TTLL5: variants seen among roughly 807,000 people sequenced by gnomAD.
TTLL5 encodes tubulin tyrosine ligase like 5.
Under a neutral mutation model 168.4 loss-of-function variants are expected in TTLL5, and 132 were observed. The observed-to-expected ratio is 0.78, with a 90% CI of 0.68 to 0.91. TTLL5 has a LOEUF of 0.91. Ranked by LOEUF, TTLL5 falls within the 40% of genes least tolerant of loss-of-function variation. The pLI, the probability that TTLL5 is intolerant of heterozygous loss-of-function variation, is 0.00. For synonymous variants in TTLL5, 546 were observed against 558.6 expected, an observed-to-expected ratio of 0.98 and a Z score of 0.32; for missense variants, 1,545 against 1,581.5, an observed-to-expected ratio of 0.98 and a Z score of 0.39.
intron 27 of TTLL5, among the ~76,000 whole-genome samples, chr14:75,805,002 G>A (rs1300995106): frequency 6.6e-6 from 1 of 151,986 alleles, no homozygotes; most frequent in Admixed American, 6.6e-5. Context: ...CATCTTACTT[G>A]TACTGCCAAA....
chr14:75,879,734 A>G (rs1161145748), intron 29 of TTLL5, among the ~76,000 whole-genome samples: 4 of 152,196 alleles, frequency 2.6e-5, no homozygotes, highest in Non-Finnish European at 5.9e-5. Context: ...ACCGCAAGCC[A>G]TGTCTTTTCC....
At chr14:75,851,548 G>A (rs1490652143) in intron 28 of TTLL5, among the ~76,000 whole-genome samples, 2 of 152,114 alleles carry the variant, frequency 1.3e-5, no homozygotes, top group Admixed American at 1.3e-4. Flanking sequence ...AGCATTATTA[G>A]TAAACCCCCA....
intron 28 of TTLL5, among the ~76,000 whole-genome samples, chr14:75,848,737 T>C (rs1896687175): frequency 6.6e-6 from 1 of 152,228 alleles, no homozygotes; most frequent in Non-Finnish European, 1.5e-5. Flanking sequence ...TCCAGACTCC[T>C]AATAGATAAA....
Position 75,771,869 on chromosome 14 carries a change from A to G in TTLL5, c.2136+15A>G, listed in dbSNP as rs1260880349. The G allele has an allele frequency of 5.0e-6, 8 of 1,594,500 alleles. No individual in the cohort carries two copies. The highest frequency in any genetic ancestry group is 6.8e-6 in the Non-Finnish European group (8 of 1,173,746). On this transcript the variant is annotated intron_variant, in intron 21 of 31. Coordinates refer to ENST00000298832, the MANE Select transcript of TTLL5 (RefSeq NM_015072.5). ...ATGAACAGATGGTAAGGCTTTTCTT[A>G]CTGAAACCTTTTTACTTTCCCTTTT...
intron 17 of TTLL5, among the ~76,000 whole-genome samples, chr14:75,748,540 T>A (rs1889750002): frequency 6.6e-6 from 1 of 152,242 alleles, no homozygotes; most frequent in African/African-American, 2.4e-5. Context: ...AGGAGTGGAA[T>A]TACTGGGCCT....
intron 28 of TTLL5, among the ~76,000 whole-genome samples, chr14:75,847,385 T>C (rs1018188991): frequency 1.3e-5 from 2 of 152,046 alleles, no homozygotes; most frequent in Non-Finnish European, 2.9e-5. Flanking sequence ...TAGAGGAATA[T>C]GGACTTTCTC....
At chr14:75,700,791 A>AG (rs1886213856) in intron 7 of TTLL5, among the ~76,000 whole-genome samples, 1 of 152,098 alleles carries the variant, frequency 6.6e-6, no homozygotes, top group African/African-American at 2.4e-5. Context: ...CTTTCCTGCA[A>AG]GGAGGCAATA....
intron 5 of TTLL5, among the ~76,000 whole-genome samples, chr14:75,688,388 G>T (rs118061873): frequency 6.6e-6 from 1 of 152,180 alleles, no homozygotes; most frequent in African/African-American, 2.4e-5. Flanking sequence ...CCTGGAGATC[G>T]CATAGAGGTT....
intron 17 of TTLL5, among the ~76,000 whole-genome samples, chr14:75,751,885 A>G (rs1889977348): frequency 6.6e-6 from 1 of 152,260 alleles, no homozygotes. Context: ...CTCCATAGGC[A>G]GAGCAGCCCC....
rs750768964 is a variant in TTLL5 at position 75,717,969 on chromosome 14, G to C, written c.842+7G>C. ...AAAGTGGAGATTACGTCAGGTACTGGCTGTGTCTGAGCCAGAAGTCAGAGG... is the reference window on the plus strand; with the variant it reads ...AAAGTGGAGATTACGTCAGGTACTGCCTGTGTCTGAGCCAGAAGTCAGAGG... On this transcript the variant is annotated splice_region_variant and intron_variant, in intron 10 of 31. Transcript: ENST00000298832. 1 of 1,612,206 alleles carries C rather than the reference G, an allele frequency of 6.2e-7. No homozygotes were observed.
intron 7 of TTLL5, among the ~76,000 whole-genome samples, chr14:75,703,274 G>A (rs1246912563): frequency 6.6e-6 from 1 of 152,194 alleles, no homozygotes; most frequent in Non-Finnish European, 1.5e-5. Flanking sequence ...TGGAGTGAGA[G>A]GGCCACTTAC....
chr14:75,760,817 CATA>C (rs1890588498), intron 18 of TTLL5, among the ~76,000 whole-genome samples: 1 of 151,982 alleles, frequency 6.6e-6, no homozygotes, highest in African/African-American at 2.4e-5. Context: ...TTGAAGAAAA[CATA>C]ATATCTTTGT....
intron 31 of TTLL5, among the ~76,000 whole-genome samples, chr14:75,931,991 A>G (rs1446524154): frequency 6.6e-6 from 1 of 152,224 alleles, no homozygotes; most frequent in Non-Finnish European, 1.5e-5. Context: ...TTTTCATAGT[A>G]CTGGGCATAT....
At chr14:75,928,762 G>A (rs911789706) in intron 31 of TTLL5, among the ~76,000 whole-genome samples, 1 of 152,076 alleles carries the variant, frequency 6.6e-6, no homozygotes, top group Non-Finnish European at 1.5e-5. Context: ...TGATAGGAAG[G>A]GGAGTAGCAG....
chr14:75,685,843 A>G (rs1229931001), intron 5 of TTLL5, among the ~76,000 whole-genome samples: 1 of 152,180 alleles, frequency 6.6e-6, no homozygotes, highest in East Asian at 1.9e-4. Flanking sequence ...ACTGTTGTAG[A>G]TTACATCAGC....
intron 30 of TTLL5, among the ~76,000 whole-genome samples, chr14:75,900,714 C>T (rs142150958): frequency 2.6e-4 from 39 of 152,294 alleles, no homozygotes; most frequent in East Asian, 2.3e-3. Context: ...CCTCGTGAAA[C>T]GCTCTTTCCT....
At chr14:75,876,385 T>C (rs1176223801) in intron 29 of TTLL5, among the ~76,000 whole-genome samples, 2 of 152,214 alleles carry the variant, frequency 1.3e-5, no homozygotes, top group African/African-American at 2.4e-5. Context: ...TAGTGAACAA[T>C]AGTTTCGAAA....
At chr14:75,849,058 G>A (rs1294303376) in intron 28 of TTLL5, among the ~76,000 whole-genome samples, 2 of 152,206 alleles carry the variant, frequency 1.3e-5, no homozygotes, top group Admixed American at 1.3e-4. Flanking sequence ...TTAAAGGACA[G>A]ACATATCAGC....
intron 30 of TTLL5, among the ~76,000 whole-genome samples, chr14:75,885,569 T>G (rs1023510270): frequency 2.0e-5 from 3 of 152,274 alleles, no homozygotes; most frequent in Non-Finnish European, 4.4e-5. Context: ...GAATGTACCA[T>G]ACCAGGAAAC....
Sources: allele counts gnomAD v4.1 joint callset (sites outside exome capture counted in the v4.1 genomes callset), GRCh38; gene constraint gnomAD v4.1.1; transcripts MANE v1.5; gene names NCBI Gene and HGNC (gene_info 2026-07-23, HGNC 2026-07-21).